CSMD3: variants seen among roughly 807,000 people sequenced by gnomAD.
The protein encoded by CSMD3 is CUB and sushi domain-containing protein 3.
A neutral mutation model predicts 435.2 loss-of-function variants in CSMD3; 177 were observed. The ratio of observed to expected loss-of-function variants is 0.41; its 90% CI spans 0.36 to 0.46. CSMD3 has a LOEUF of 0.46. CSMD3 is among the 20% of genes least tolerant of loss of function. The pLI is 0.34. For missense variants in CSMD3, 4,265 were observed against 4,504.6 expected, an observed-to-expected ratio of 0.95 and a Z score of 1.52; for synonymous variants, 1,656 against 1,520.5, an observed-to-expected ratio of 1.09 and a Z score of -2.07.
chr8:112,839,942 T>C lies in CSMD3; in HGVS notation c.1756-10153A>G, dbSNP rs2432733. Among the ~76,000 whole-genome samples the C allele has an allele frequency of 3.6e-3, 541 of 151,878 alleles. 17 individuals carry two copies. The East Asian group carries it at 0.073, about 20-fold the overall frequency. On this transcript the variant is annotated intron_variant, in intron 11 of 70. Coordinates refer to ENST00000297405, the MANE Select transcript of CSMD3 (RefSeq NM_198123.2). Reference sequence around the variant, plus strand: ...AGACACCAAAAGACAGGATGTAAGATACCAGCTTCTCAATGCATGGTCTTT... The same window carrying C: ...AGACACCAAAAGACAGGATGTAAGACACCAGCTTCTCAATGCATGGTCTTT...
At chr8:112,513,875 A>G (rs997786018) in intron 28 of CSMD3, among the ~76,000 whole-genome samples, 3 of 152,020 alleles carry the variant, frequency 2.0e-5, no homozygotes, top group South Asian at 2.1e-4. Flanking sequence ...AATTGTCCTT[A>G]TTTTTTAGAA....
rs546906868 is a variant in CSMD3, at chr8:112,752,488, A to C, written c.1972+47674T>G. Among the ~76,000 whole-genome samples, 5 of 152,310 alleles carry C rather than the reference A, an allele frequency of 3.3e-5. No individual in the cohort carries two copies. In the South Asian group the frequency reaches 1.0e-3, roughly 32 times the overall value. ...ACAAAGAAAAAGCTAAAGTTTAGCT[A>C]ATAGAAAATCTGGATGTGAATCAGG... On this transcript the variant is annotated intron_variant, in intron 13 of 70. Coordinates refer to ENST00000297405, the MANE Select transcript of CSMD3 (RefSeq NM_198123.2).
intron 45 of CSMD3, among the ~76,000 whole-genome samples, chr8:112,329,393 C>T (rs1427667075): frequency 1.3e-5 from 2 of 152,106 alleles, no homozygotes; most frequent in African/African-American, 4.8e-5. Flanking sequence ...AATAGTATTT[C>T]CACACTAATT....
chr8:113,052,767 C>T (rs1379479202), intron 5 of CSMD3, among the ~76,000 whole-genome samples: 2 of 152,112 alleles, frequency 1.3e-5, no homozygotes, highest in Non-Finnish European at 2.9e-5. Context: ...AACAGAGACC[C>T]CATCTCTTAA....
chr8:112,822,412 C>T (rs2132440292), intron 12 of CSMD3, among the ~76,000 whole-genome samples: 1 of 152,160 alleles, frequency 6.6e-6, no homozygotes, highest in Admixed American at 6.6e-5. Context: ...CTCTTTGTAG[C>T]AATTGTAAAC....
Position 112,335,353 on chromosome 8 carries a change from C to G in CSMD3, c.7141G>C (p.Gly2381Arg). The change falls in exon 45 of 71, where the codon GGC becomes CGC. Residue 2381 changes from glycine to arginine, a missense_variant. Around this residue, in one of 3 missense-constraint regions of CSMD3, gnomAD observed 3,255 missense variants for 3,380.2 expected, o/e 0.96. Transcript: ENST00000297405. ...CCGTGATAACTGAGCACAAAAAAGCCACTTGTTGTGAAATCACTGTGGAAT... is the reference window on the plus strand; with the variant it reads ...CCGTGATAACTGAGCACAAAAAAGCGACTTGTTGTGAAATCACTGTGGAAT... ...IKFHSDFTTSGFFVLSYHAYQ... is the reference protein window; with the variant it reads ...IKFHSDFTTSRFFVLSYHAYQ... The G allele has an allele frequency of 6.2e-7, 1 of 1,613,870 alleles. No homozygotes were observed. Among genetic ancestry groups the G allele is most frequent in the Non-Finnish European group, 8.5e-7 (1 of 1,179,904 alleles).
chr8:113,145,964 T>C (rs750171251), intron 4 of CSMD3, among the ~76,000 whole-genome samples: 2 of 151,566 alleles, frequency 1.3e-5, no homozygotes, highest in Non-Finnish European at 3.0e-5. Flanking sequence ...TCAATAAGCA[T>C]TTGTTGAGTA....
chr8:112,720,155 C>A (rs1484876101), intron 13 of CSMD3, among the ~76,000 whole-genome samples: 1 of 152,112 alleles, frequency 6.6e-6, no homozygotes, highest in Non-Finnish European at 1.5e-5. Flanking sequence ...CTAACTGTGG[C>A]AAAGGTACAT....
At chr8:112,407,696 T>G (rs1185767453) in intron 34 of CSMD3, among the ~76,000 whole-genome samples, 1 of 152,054 alleles carries the variant, frequency 6.6e-6, no homozygotes, top group Non-Finnish European at 1.5e-5. Context: ...AGTAATAAAG[T>G]GCAAGATACA....
chr8:113,232,336 C>G (rs2093098001), intron 3 of CSMD3, among the ~76,000 whole-genome samples: 2 of 151,570 alleles, frequency 1.3e-5, no homozygotes, highest in African/African-American at 4.8e-5. Context: ...GTTAAAAATG[C>G]ATTCCTCTTA....
At chr8:112,255,500 G>A (rs1815697695) in intron 61 of CSMD3, 73 bp from the exon 62 acceptor site, 1 of 1,305,502 alleles carries the variant, frequency 7.7e-7, no homozygotes, top group South Asian at 1.2e-5. Flanking sequence ...GAAAAATGGT[G>A]ACAATCAATT....
At chr8:112,677,582 G>C (rs2131755438) in intron 16 of CSMD3, among the ~76,000 whole-genome samples, 1 of 150,508 alleles carries the variant, frequency 6.6e-6, no homozygotes, top group East Asian at 2.0e-4. Context: ...GTAAAAATAG[G>C]ATAAGACATG....
At chr8:112,842,504 T>C (rs759006896) in intron 11 of CSMD3, among the ~76,000 whole-genome samples, 1 of 151,498 alleles carries the variant, frequency 6.6e-6, no homozygotes, top group African/African-American at 2.4e-5. Context: ...GTGGTAGCAG[T>C]TGCAGTAGTA....
At chr8:113,123,654 C>T (rs2091045988) in intron 4 of CSMD3, among the ~76,000 whole-genome samples, 1 of 151,980 alleles carries the variant, frequency 6.6e-6, no homozygotes, top group Admixed American at 6.6e-5. Flanking sequence ...ACCAGTGGTT[C>T]TAGTCCTGAG....
chr8:113,272,164 T>C (rs2093533231), intron 3 of CSMD3, among the ~76,000 whole-genome samples: 1 of 152,174 alleles, frequency 6.6e-6, no homozygotes, highest in African/African-American at 2.4e-5. Flanking sequence ...GTTTCAGATG[T>C]GACTTTGGAC....
chr8:112,533,924 T>C (rs568005398), intron 27 of CSMD3, among the ~76,000 whole-genome samples: 13 of 152,106 alleles, frequency 8.5e-5, no homozygotes, highest in African/African-American at 2.9e-4. Flanking sequence ...TTTCTGACTA[T>C]AATGGAATAA....
intron 7 of CSMD3, among the ~76,000 whole-genome samples, chr8:112,973,544 G>A (rs971175601): frequency 6.6e-6 from 1 of 151,862 alleles, no homozygotes; most frequent in Non-Finnish European, 1.5e-5. Flanking sequence ...TTTTAGGCAT[G>A]TGTCTGAGCC....
chr8:113,385,164 C>T (rs1160363290), intron 1 of CSMD3, among the ~76,000 whole-genome samples: 1 of 152,100 alleles, frequency 6.6e-6, no homozygotes, highest in African/African-American at 2.4e-5. Context: ...ACCCTAACAT[C>T]ACTACTTAGT....
At chr8:112,842,526 A>G (rs1476784432) in intron 11 of CSMD3, among the ~76,000 whole-genome samples, 1 of 138,482 alleles carries the variant, frequency 7.2e-6, no homozygotes, top group East Asian at 2.4e-4. Flanking sequence ...TTACAATAGT[A>G]ATATTATTAA....
Sources: gnomAD v4.1 joint callset for allele counts (sites outside exome capture counted in the v4.1 genomes callset) on GRCh38, gnomAD v4.1.1 for gene constraint, gnomAD v4.1.1 regional missense constraint, MANE v1.5 for transcripts, NCBI Gene and HGNC (gene_info 2026-07-23, HGNC 2026-07-21) for gene names.